CHCHD6: variants seen among roughly 807,000 people sequenced by gnomAD.
The protein encoded by CHCHD6 is MICOS complex subunit MIC25.
CHCHD6 carries 28 observed loss-of-function variants against 32.3 expected under a neutral mutation model. The observed-to-expected ratio is 0.87, with a 90% CI of 0.64 to 1.19. The LOEUF (loss-of-function observed/expected upper bound fraction) is 1.19. CHCHD6 is among the 50% of genes most tolerant of loss of function. CHCHD6 has a pLI of 0.00. For synonymous variants in CHCHD6, 122 were observed against 117.5 expected, an observed-to-expected ratio of 1.04 and a Z score of -0.25; for missense variants, 333 against 307.0, an observed-to-expected ratio of 1.08 and a Z score of -0.63.
chr3:126,958,076 C>T, intron 7 of CHCHD6: 1 of 178,878 alleles, frequency 5.6e-6, no homozygotes, highest in Non-Finnish European at 1.2e-5. Flanking sequence ...CTCATGTGCT[C>T]TCTGGTCACC....
chr3:126,897,141 C>T (rs2077852416), intron 5 of CHCHD6, among the ~76,000 whole-genome samples: 1 of 152,132 alleles, frequency 6.6e-6, no homozygotes, highest in Non-Finnish European at 1.5e-5. Context: ...AGAGAGAGAG[C>T]CATGCTGACA....
intron 4 of CHCHD6, among the ~76,000 whole-genome samples, chr3:126,843,899 T>C (rs1181460191): frequency 1.3e-5 from 2 of 152,236 alleles, no homozygotes; most frequent in African/African-American, 2.4e-5. Context: ...TCCTTCAACA[T>C]GCTTACAGTA....
intron 1 of CHCHD6, among the ~76,000 whole-genome samples, chr3:126,720,842 G>A (rs1935249109): frequency 6.6e-6 from 1 of 152,110 alleles, no homozygotes; most frequent in Non-Finnish European, 1.5e-5. Flanking sequence ...GGGGACTTGG[G>A]GCTTTAGATG....
chr3:126,736,357 C>T (rs1238428662), intron 4 of CHCHD6, among the ~76,000 whole-genome samples: 1 of 152,158 alleles, frequency 6.6e-6, no homozygotes, highest in East Asian at 1.9e-4. Flanking sequence ...ATGGAACTTG[C>T]ATGGTCGCCA....
chr3:126,767,328 T>A, intron 4 of CHCHD6: 1 of 984,512 alleles, frequency 1.0e-6, no homozygotes, highest in South Asian at 1.3e-5. Flanking sequence ...CCCATTTCCA[T>A]CAAGGCCAAG....
intron 4 of CHCHD6, among the ~76,000 whole-genome samples, chr3:126,839,711 C>G (rs1358753196): frequency 6.6e-5 from 10 of 152,176 alleles, no homozygotes; most frequent in Admixed American, 1.3e-4. Context: ...CTGGTCTCCC[C>G]ACCTCAGGCT....
At chr3:126,880,155 G>A (rs1436365552) in intron 5 of CHCHD6, among the ~76,000 whole-genome samples, 1 of 152,166 alleles carries the variant, frequency 6.6e-6, no homozygotes, top group African/African-American at 2.4e-5. Flanking sequence ...GGGATAAGAG[G>A]AGGGCAGTGT....
At chr3:126,829,378 C>G (rs1244113577) in intron 4 of CHCHD6, among the ~76,000 whole-genome samples, 1 of 152,034 alleles carries the variant, frequency 6.6e-6, no homozygotes, top group African/African-American at 2.4e-5. Flanking sequence ...AGGAAACTCA[C>G]CTGGTACTAT....
intron 4 of CHCHD6, among the ~76,000 whole-genome samples, chr3:126,747,235 C>G (rs1936542350): frequency 6.6e-6 from 1 of 152,186 alleles, no homozygotes. Context: ...GATCTTTACT[C>G]AGATGATCTG....
chr3:126,828,888 G>T (rs1430358692), intron 4 of CHCHD6, among the ~76,000 whole-genome samples: 2 of 151,978 alleles, frequency 1.3e-5, no homozygotes, highest in African/African-American at 4.8e-5. Context: ...GCTCATTCTG[G>T]CTAGGAATTT....
Position 126,724,256 on chromosome 3 carries a change from A to C in CHCHD6, c.88-2822A>C, listed in dbSNP as rs191926958. Among the ~76,000 whole-genome samples the C allele has an allele frequency of 3.4e-3, 519 of 152,278 alleles. 5 individuals are homozygous for C. Among genetic ancestry groups the C allele is most frequent in the African/African-American group, 0.012 (490 of 41,552 alleles). On this transcript the variant is annotated intron_variant, in intron 1 of 7. Transcript: ENST00000290913. The stretch of plus-strand genomic sequence containing the variant: ...TTGTCAGGGGGCTCAGAGGAAGGGA[A>C]AAGGTGATACTGGCACACCTGGGAG...
intron 4 of CHCHD6, among the ~76,000 whole-genome samples, chr3:126,756,099 G>A (rs969182591): frequency 2.6e-5 from 4 of 152,128 alleles, no homozygotes; most frequent in Non-Finnish European, 5.9e-5. Context: ...TGGTGCTAGA[G>A]AGCCTGATGG....
chr3:126,911,140 T>C lies in CHCHD6; in HGVS notation c.496-3540T>C, dbSNP rs144736246. Among the ~76,000 whole-genome samples, 918 of 152,304 alleles carry C rather than the reference T, an allele frequency of 6.0e-3. 8 individuals are homozygous for C. The highest frequency in any genetic ancestry group is 0.021 in the African/African-American group (878 of 41,562). On this transcript the variant is annotated intron_variant, in intron 5 of 7. Coordinates refer to ENST00000290913, the MANE Select transcript of CHCHD6 (RefSeq NM_032343.3). ...CTGACCCATGGTTTCTGCCAGGCTG[T>C]CCTTTCAGGTGCCCCACAGCACCTG...
chr3:126,929,243 C>T (rs1468111961), intron 6 of CHCHD6, among the ~76,000 whole-genome samples: 1 of 152,222 alleles, frequency 6.6e-6, no homozygotes, highest in African/African-American at 2.4e-5. Flanking sequence ...TAGAATTGGG[C>T]TCTGGGGAGC....
chr3:126,942,982 T>C (rs1265410654), intron 6 of CHCHD6, among the ~76,000 whole-genome samples: 1 of 152,136 alleles, frequency 6.6e-6, no homozygotes, highest in Admixed American at 6.5e-5. Context: ...TTTGTAGGGC[T>C]CTCTCTCTCT....
intron 5 of CHCHD6, among the ~76,000 whole-genome samples, chr3:126,901,048 C>G (rs2077919535): frequency 6.6e-6 from 1 of 152,142 alleles, no homozygotes; most frequent in South Asian, 2.1e-4. Flanking sequence ...GAGGTGTTGA[C>G]ATGAGATTCA....
At chr3:126,784,842 T>C (rs1452533435) in intron 4 of CHCHD6, among the ~76,000 whole-genome samples, 1 of 152,190 alleles carries the variant, frequency 6.6e-6, no homozygotes, top group East Asian at 1.9e-4. Context: ...TTTTGGACTT[T>C]TATATACCAA....
At chr3:126,831,667 C>G (rs1940648792) in intron 4 of CHCHD6, among the ~76,000 whole-genome samples, 1 of 152,174 alleles carries the variant, frequency 6.6e-6, no homozygotes, top group African/African-American at 2.4e-5. Context: ...GGCCCTGTGT[C>G]CCCCAGGCTG....
chr3:126,882,542 GATA>G (rs1222518469), intron 5 of CHCHD6, among the ~76,000 whole-genome samples: 4 of 152,278 alleles, frequency 2.6e-5, no homozygotes, highest in Admixed American at 6.5e-5. Context: ...ATCTGTTGAT[GATA>G]ATAATCATGA....
Sources: allele counts gnomAD v4.1 joint callset (sites outside exome capture counted in the v4.1 genomes callset), GRCh38; gene constraint gnomAD v4.1.1; transcripts MANE v1.5; gene names NCBI Gene and HGNC (gene_info 2026-07-23, HGNC 2026-07-21).